The following MED16 variants were observed in gnomAD, a reference collection of about 807,000 sequenced individuals.
MED16 encodes mediator complex subunit 16.
MED16 carries 81 observed loss-of-function variants against 84.4 expected under a neutral mutation model. The ratio of observed to expected loss-of-function variants is 0.96; its 90% CI spans 0.80 to 1.15. The LOEUF (loss-of-function observed/expected upper bound fraction) is 1.15, where lower values mean the gene tolerates loss of function less well. Among genes scored for constraint, MED16 ranks in the 50% most tolerant of loss-of-function variants. The probability of loss-of-function intolerance (pLI) is 0.00; values close to 1 mark genes in which losing one functional copy is unlikely to be tolerated. For missense variants in MED16, 1,585 were observed against 1,245.9 expected (o/e 1.27, Z -4.10); for synonymous variants, 897 against 552.2 (o/e 1.62, Z -8.76).
At chr19:891,553 G>T (rs527917843) in intron 1 of MED16, among the ~76,000 whole-genome samples, 1 of 152,226 alleles carries the variant, frequency 6.6e-6, no homozygotes, top group Admixed American at 6.5e-5. Flanking sequence ...CCCGCAGACA[G>T]GCAAGCGGTG....
At chr19:885,038 C>A (rs2036498109) in intron 5 of MED16, 30 bp from the exon 6 acceptor site, 1 of 1,539,068 alleles carries the variant, frequency 6.5e-7, no homozygotes, top group African/African-American at 1.4e-5. Flanking sequence ...GAGGGCTGAC[C>A]CGGCACTGCT....
intron 13 of MED16, among the ~76,000 whole-genome samples, chr19:870,566 C>CAA (rs1227950208): frequency 1.6e-3 from 167 of 103,658 alleles, no homozygotes; most frequent in Admixed American, 4.2e-3. Flanking sequence ...GTCGGGGAGA[C>CAA]AAAAAAAAAA....
chr19:869,230 G>A (rs546684470), intron 13 of MED16, among the ~76,000 whole-genome samples: 11 of 152,322 alleles, frequency 7.2e-5, no homozygotes, highest in East Asian at 1.9e-4. Flanking sequence ...ACACAGGGAC[G>A]AGGGTCGGTC....
rs748156081 is a variant in MED16, at chr19:871,939, C to T, written c.2085G>A (p.Lys695=). 1.3e-6 allele frequency: 2 copies of T among 1,561,118 alleles called. 1 individual carries two copies. Among genetic ancestry groups the T allele is most frequent in the South Asian group, 2.3e-5 (2 of 87,326 alleles). The stretch of plus-strand genomic sequence containing the variant: ...GGGGTGCCTCACAGCAGATCCAGAG[C>T]TTGGTGAGCAGGCGGAAGAGCAGGG... The part of the protein sequence containing the change: ...SMSLLFRLLT[K]LWICCRDEGP... The change falls in exon 12 of 16, where the codon AAG becomes AAA. Residue 695 remains lysine, a synonymous_variant. Transcript: ENST00000325464.
intron 8 of MED16, among the ~76,000 whole-genome samples, chr19:877,966 AGCCC>A (rs2036298151): frequency 5.0e-5 from 1 of 19,992 alleles, no homozygotes; most frequent in Non-Finnish European, 9.4e-5. Flanking sequence ...CCCCAGCCCC[AGCCC>A]CAGCCCCACG....
intron 2 of MED16, chr19:890,565 G>A (rs1047658185): frequency 2.7e-6 from 1 of 372,336 alleles, no homozygotes; most frequent in Non-Finnish European, 4.9e-6. Flanking sequence ...TGGTTTTCTA[G>A]TTTTCTCTAA....
intron 6 of MED16, among the ~76,000 whole-genome samples, 165 bp from the exon 7 acceptor site, chr19:881,879 G>A (rs1053279945): frequency 5.3e-5 from 8 of 152,128 alleles, no homozygotes; most frequent in Admixed American, 2.6e-4. Flanking sequence ...CAATCCGAGC[G>A]CTTCGTGCCT....
rs370156729 is a variant in MED16 at position 875,473 on chromosome 19, G to A, written c.1561-19C>T. 1.3e-6 allele frequency: 2 copies of A among 1,588,430 alleles called. No homozygotes were observed. Among genetic ancestry groups the A allele is most frequent in the East Asian group, 2.2e-5 (1 of 44,468 alleles). ...AGAGGACCTGAGGGCAGGAAGCCAG[G>A]TCACCCCAAGGGGCCGGAGCAGAGG... On this transcript the variant is annotated intron_variant, in intron 9 of 15. Transcript: ENST00000325464.
intron 13 of MED16, 43 bp downstream of exon 13, chr19:870,994 G>T (rs377739246): frequency 1.3e-6 from 2 of 1,502,646 alleles, no homozygotes; most frequent in Non-Finnish European, 1.8e-6. Flanking sequence ...GGACACGGAG[G>T]AAGGAGTCCT....
At chr19:885,427 C>T (rs189475907) in intron 5 of MED16, among the ~76,000 whole-genome samples, 15 of 152,098 alleles carry the variant, frequency 9.9e-5, no homozygotes, top group African/African-American at 2.9e-4. Flanking sequence ...GGATTCGGTT[C>T]GGGACACTGA....
rs1568335879 is a variant in MED16 at position 892,930 on chromosome 19, CGCCCCGCG to C, written c.-19+148_-19+155del. On this transcript the variant is annotated intron_variant, in intron 1 of 15. Transcript: ENST00000325464. ...CCCGCGCCCCGCGCCCCGCGCCCCG[CGCCCCGCG>C]CCCCAGGCCGCCTACCCAGCAGCCT... The C allele has an allele frequency of 5.3e-5, 5 of 95,096 alleles. No individual in the cohort carries two copies. In the East Asian group the frequency reaches 1.2e-3, roughly 23 times the overall value. The allele number at this position is 95,096 out of a possible 1,614,324, so 5.9% of individuals were successfully genotyped here. A position where few individuals can be genotyped will look rare whatever the true frequency, so the allele number is the denominator to read the frequency against.
At position 880,159 on chromosome 19, in the gene MED16, C is replaced by T. The variant is rs748656732; in HGVS notation, c.1142-11G>A. 5 of 1,603,388 alleles carry T rather than the reference C, an allele frequency of 3.1e-6. No homozygotes were observed. The highest frequency in any genetic ancestry group is 1.7e-5 in the Admixed American group (1 of 59,262). ...AGGCCAGGGCCAGCCCTGTGGGGCA[C>T]AGGCACTGCTTAGACATGGGCAGGG... On this transcript the variant is annotated splice_polypyrimidine_tract_variant and intron_variant, in intron 7 of 15. Coordinates refer to ENST00000325464, the MANE Select transcript of MED16 (RefSeq NM_005481.3).
intron 8 of MED16, among the ~76,000 whole-genome samples, chr19:878,729 C>A (rs1235768680): frequency 1.2e-4 from 12 of 102,830 alleles, no homozygotes; most frequent in South Asian, 1.0e-3. Flanking sequence ...GGTTGTCAAT[C>A]CCCACCAGGG....
chr19:869,731 C>T (rs1480077143), intron 13 of MED16, among the ~76,000 whole-genome samples: 1 of 152,202 alleles, frequency 6.6e-6, no homozygotes, highest in Non-Finnish European at 1.5e-5. Context: ...GCTGGAGGTT[C>T]ACTTCATTTT....
chr19:868,495 C>G lies in MED16; in HGVS notation c.2404G>C (p.Gly802Arg). The G allele has an allele frequency of 1.9e-6, 3 of 1,610,238 alleles. No individual in the cohort carries two copies. The highest frequency in any genetic ancestry group is 2.5e-6 in the Non-Finnish European group (3 of 1,179,826). Reference sequence around the variant, plus strand: ...GGCGACTTGAGCATGGTGACACAGCCGCACCTGCGGGGAGGCAGGCACTGA... The same window carrying G: ...GGCGACTTGAGCATGGTGACACAGCGGCACCTGCGGGGAGGCAGGCACTGA... ...TEECKACTRC[G>R]CVTMLKSPNR... The change falls in exon 15 of 16, where the codon GGC becomes CGC. Residue 802 changes from glycine to arginine, a missense_variant. Coordinates refer to ENST00000325464, the MANE Select transcript of MED16 (RefSeq NM_005481.3).
chr19:881,978 C>A (rs554486066), intron 6 of MED16, among the ~76,000 whole-genome samples: 1 of 152,362 alleles, frequency 6.6e-6, no homozygotes, highest in Non-Finnish European at 1.5e-5. Context: ...CATCTCACCC[C>A]CGATGGGGCA....
At chr19:888,785 G>A (rs1318239842) in intron 4 of MED16, among the ~76,000 whole-genome samples, 6 of 152,174 alleles carry the variant, frequency 3.9e-5, no homozygotes, top group African/African-American at 9.7e-5. Context: ...GCAATGCGCC[G>A]ACAATGGCAG....
At chr19:889,018 C>T (rs1048068606) in intron 4 of MED16, among the ~76,000 whole-genome samples, 1 of 150,884 alleles carries the variant, frequency 6.6e-6, no homozygotes. Flanking sequence ...ACCCAGGTGC[C>T]CCCCCAACCC....
In MED16 at chr19:873,444, C is replaced by G. The variant is rs746125572; in HGVS notation, c.1905+5G>C. On this transcript the variant is annotated splice_donor_5th_base_variant and intron_variant, in intron 11 of 15. Transcript: ENST00000325464. Reference sequence around the variant, plus strand: ...GGCGGGGCCTTAGGGGAGAGCATGGCGCACCTGGTTGGGTAGGCTGGCCAG... The same window carrying G: ...GGCGGGGCCTTAGGGGAGAGCATGGGGCACCTGGTTGGGTAGGCTGGCCAG... 1.7e-5 allele frequency: 28 copies of G among 1,606,120 alleles called. No individual in the cohort carries two copies. The South Asian group carries it at 2.7e-4, about 16-fold the overall frequency.
Sources: allele counts gnomAD v4.1 joint callset (sites outside exome capture counted in the v4.1 genomes callset), GRCh38; gene constraint gnomAD v4.1.1; transcripts MANE v1.5; gene names NCBI Gene and HGNC (gene_info 2026-07-23, HGNC 2026-07-21).